Variants in TOMM40 observed in about 807,000 individuals in gnomAD.
The protein encoded by TOMM40 is translocase of outer mitochondrial membrane 40, also known as mitochondrial import receptor subunit TOM40 homolog.
In TOMM40, 9 loss-of-function variants were observed where a neutral mutation model predicts 38.4. The ratio of observed to expected loss-of-function variants is 0.23; its 90% confidence interval spans 0.14 to 0.41. TOMM40 has a LOEUF of 0.41. Among genes scored for constraint, TOMM40 ranks in the 10% least tolerant of loss-of-function variants. The probability of loss-of-function intolerance (pLI) is 1.00; values close to 1 mark genes in which losing one functional copy is unlikely to be tolerated. For missense variants in TOMM40, 299 were observed against 486.5 expected, an observed-to-expected ratio of 0.61 and a Z score of 3.63; for synonymous variants, 184 against 210.0, an observed-to-expected ratio of 0.88 and a Z score of 1.07.
At chr19:44,893,281 A>G (rs1328299471) in intron 3 of TOMM40, among the ~76,000 whole-genome samples, 3 of 152,062 alleles carry the variant, frequency 2.0e-5, no homozygotes, top group African/African-American at 7.2e-5. Flanking sequence ...GTGGAGAGTC[A>G]TGGCATGGTT....
chr19:44,892,546 C>T, intron 2 of TOMM40, 86 bp downstream of exon 2: 2 of 1,272,132 alleles, frequency 1.6e-6, no homozygotes, highest in Non-Finnish European at 1.1e-6. Flanking sequence ...AATTACTCCT[C>T]CCTCAAGAGC....
intron 8 of TOMM40, chr19:44,901,569 T>C: frequency 2.3e-6 from 2 of 861,496 alleles, no homozygotes; most frequent in South Asian, 4.3e-5. Flanking sequence ...ACTCCGTCTC[T>C]ACTAAAAATA....
Position 44,892,477 on chromosome 19 carries a change from T to C in TOMM40, c.342+17T>C, listed in dbSNP as rs762919945. The C allele has an allele frequency of 6.2e-7, 1 of 1,610,462 alleles. No homozygotes were observed. The highest frequency in any genetic ancestry group is 1.1e-5 in the South Asian group (1 of 90,950). On this transcript the variant is annotated intron_variant, in intron 2 of 8. Coordinates refer to ENST00000426677, the MANE Select transcript of TOMM40 (RefSeq NM_001128917.2). ...CATTTTCAGGTGAGCCTTCCTGGTG[T>C]CCTTACCCACCAGAGATCGTCCCCG...
rs766590649 is a variant in TOMM40, at chr19:44,892,973, A to C, written c.435+44A>C. 7.2e-6 allele frequency: 11 copies of C among 1,532,394 alleles called. 1 individual carries two copies. In the South Asian group the frequency reaches 1.3e-4, roughly 18 times the overall value. 94.9% of individuals were successfully genotyped at this position (1,532,394 alleles called of 1,614,324 possible). A position where few individuals can be genotyped will look rare whatever the true frequency, so the allele number is the denominator to read the frequency against. On this transcript the variant is annotated intron_variant, in intron 3 of 8. Transcript: ENST00000426677. ...CCATTCATTGTATCCTTCTAATAAC[A>C]AATTTGTAGCCAAATGTCAAGCTAA...
chr19:44,897,790 AAGAG>A (rs538198716), intron 5 of TOMM40, among the ~76,000 whole-genome samples: 4 of 146,394 alleles, frequency 2.7e-5, no homozygotes, highest in East Asian at 2.0e-4. Context: ...AAAAAAAAAA[AAGAG>A]AGAGAGAGGG....
In TOMM40 at chr19:44,893,772, C is replaced by T; in HGVS notation, c.436-8C>T. ...CCTCTGACCCCTTCCGTTCTCTCTGCCTCACAGGCGTTCCCTGTACTGGTG... is the reference window on the plus strand; with the variant it reads ...CCTCTGACCCCTTCCGTTCTCTCTGTCTCACAGGCGTTCCCTGTACTGGTG... On this transcript the variant is annotated splice_region_variant and splice_polypyrimidine_tract_variant and intron_variant, in intron 3 of 8. Transcript: ENST00000426677. 1 of 1,611,186 alleles carries T rather than the reference C, an allele frequency of 6.2e-7. No homozygotes were observed. Among genetic ancestry groups the T allele is most frequent in the Non-Finnish European group, 8.5e-7 (1 of 1,179,208 alleles).
chr19:44,896,977 T>C (rs1361230507), intron 5 of TOMM40, among the ~76,000 whole-genome samples: 2 of 152,192 alleles, frequency 1.3e-5, no homozygotes, highest in Admixed American at 1.3e-4. Flanking sequence ...CACATGCCTA[T>C]AGTCCCAGCT....
chr19:44,903,155 C>G lies in TOMM40; in HGVS notation c.1072C>G (p.Leu358Val). The change falls in exon 9 of 9, where the codon CTC (leucine) becomes GTC (valine). Residue 358 changes from leucine (L) to valine (V), a missense_variant. Transcript: ENST00000426677. ...GAACAAGTTTCAGTGTGGCTTTGGCCTCACCATCGGCTGAGCCCTCCTGGC... is the reference window on the plus strand; with the variant it reads ...GAACAAGTTTCAGTGTGGCTTTGGCGTCACCATCGGCTGAGCCCTCCTGGC... ...RKNKFQCGFG[L>V]TIG 1.2e-6 allele frequency: 2 copies of G among 1,611,412 alleles called. No homozygotes were observed. Among genetic ancestry groups the G allele is most frequent in the Non-Finnish European group, 1.7e-6 (2 of 1,179,582 alleles).
chr19:44,903,528 G>A lies in TOMM40; in HGVS notation c.*359G>A, dbSNP rs932683969. On this transcript the variant is annotated 3_prime_UTR_variant, in exon 9 of 9. Coordinates refer to ENST00000426677, the MANE Select transcript of TOMM40 (RefSeq NM_001128917.2). ...CCAAAGGGCCTGGGCCCGCCCCGAGGGGGCAGCGAGAGGAGCTTCCCCATC... is the reference window on the plus strand; with the variant it reads ...CCAAAGGGCCTGGGCCCGCCCCGAGAGGGCAGCGAGAGGAGCTTCCCCATC... The A allele has an allele frequency of 1.4e-5, 3 of 211,606 alleles. No individual in the cohort carries two copies. Among genetic ancestry groups the A allele is most frequent in the African/African-American group, 7.0e-5 (3 of 42,656 alleles). 13.1% of individuals were successfully genotyped at this position (211,606 alleles called of 1,614,324 possible). A position where few individuals can be genotyped will look rare whatever the true frequency, so the allele number is the denominator to read the frequency against.
rs770299785 is a variant in TOMM40, at chr19:44,903,185, G to A, written c.*16G>A. ...CATCGGCTGAGCCCTCCTGGCCCCC[G>A]CCTTCCACGCCCTTCCGATTCCACC... On this transcript the variant is annotated 3_prime_UTR_variant, in exon 9 of 9. Coordinates refer to ENST00000426677, the MANE Select transcript of TOMM40 (RefSeq NM_001128917.2). The A allele has an allele frequency of 2.0e-5, 32 of 1,594,404 alleles. No individual in the cohort carries two copies. The African/African-American group carries it at 2.7e-4, about 13-fold the overall frequency.
intron 5 of TOMM40, 44 bp downstream of exon 5, chr19:44,894,110 C>T: frequency 7.0e-7 from 1 of 1,420,398 alleles, no homozygotes; most frequent in Non-Finnish European, 9.4e-7. Context: ...AACTGCAGTT[C>T]TGGCTTTGCC....
chr19:44,898,525 C>CTT (rs71173106), intron 5 of TOMM40, among the ~76,000 whole-genome samples: 9 of 89,008 alleles, frequency 1.0e-4, no homozygotes, highest in Admixed American at 2.8e-4. Context: ...TTTTTTTTTT[C>CTT]TTTTTTTTTT....
chr19:44,892,451 C>A lies in TOMM40; in HGVS notation c.333C>A (p.Asn111Lys), dbSNP rs778982833. Residue 111 changes from asparagine to lysine, a missense_variant, in exon 2 of 9, where the codon AAC becomes AAA. Coordinates refer to ENST00000426677, the MANE Select transcript of TOMM40 (RefSeq NM_001128917.2). Reference sequence around the variant, plus strand: ...TCACAGTCAACAAAGGGTTGAGTAACCATTTTCAGGTGAGCCTTCCTGGTG... The same window carrying A: ...TCACAGTCAACAAAGGGTTGAGTAAACATTTTCAGGTGAGCCTTCCTGGTG... ...VKLTVNKGLSNHFQVNHTVAL... is the reference protein window; with the variant it reads ...VKLTVNKGLSKHFQVNHTVAL... The A allele has an allele frequency of 1.2e-6, 2 of 1,612,650 alleles. No homozygotes were observed. The highest frequency in any genetic ancestry group is 3.3e-5 in the Admixed American group (2 of 60,014).
intron 5 of TOMM40, among the ~76,000 whole-genome samples, chr19:44,900,329 A>G (rs553340374): frequency 2.6e-5 from 4 of 152,204 alleles, no homozygotes; most frequent in East Asian, 3.9e-4. Flanking sequence ...ACTCTACCCA[A>G]TGGCCTCTCA....
At chr19:44,896,445 C>T (rs1316665126) in intron 5 of TOMM40, among the ~76,000 whole-genome samples, 1 of 152,204 alleles carries the variant, frequency 6.6e-6, no homozygotes, top group Non-Finnish European at 1.5e-5. Context: ...GGCCCGACTT[C>T]TCGGCCTCAG....
Position 44,891,539 on chromosome 19 carries a change from G to A in TOMM40, c.124G>A (p.Gly42Ser), listed in dbSNP as rs1969463537. Residue 42 changes from glycine (G) to serine (S), a missense_variant, in exon 1 of 9, where the codon GGC becomes AGC. By Grantham distance (56) the Gly-to-Ser change is moderately conservative. Transcript: ENST00000426677. ...GGGCTTCACGCTGCCGCCGCTGGGA[G>A]GCAGCCTGGGCGCCGGCACCAGTAC... ...PPGFTLPPLG[G>S]SLGAGTSTSR... 4.2e-6 allele frequency: 6 copies of A among 1,414,250 alleles called. No homozygotes were observed. The highest frequency in any genetic ancestry group is 5.6e-6 in the Non-Finnish European group (6 of 1,081,010). The allele number at this position is 1,414,250 out of a possible 1,614,324, so 87.6% of individuals were successfully genotyped here.
At chr19:44,892,652 C>G (rs34404554) in intron 2 of TOMM40, among the ~76,000 whole-genome samples, 185 bp from the exon 3 acceptor site, 18,692 of 152,176 alleles carry the variant, frequency 0.12, 1,193 homozygotes, top group Non-Finnish European at 0.14. Flanking sequence ...CTCCCCATAG[C>G]AGCTAGGCTG....
intron 5 of TOMM40, 93 bp downstream of exon 5, chr19:44,894,159 C>CTTCTCCAG: frequency 3.1e-6 from 3 of 952,764 alleles, no homozygotes; most frequent in Non-Finnish European, 4.6e-6. Flanking sequence ...TTTTCTGCCA[C>CTTCTCCAG]TGGAGAAGTG....
chr19:44,893,241 G>C (rs1969502186), intron 3 of TOMM40, among the ~76,000 whole-genome samples: 2 of 152,214 alleles, frequency 1.3e-5, no homozygotes, highest in South Asian at 4.1e-4. Context: ...TTGAATGCCA[G>C]ACTAGGCTTT....
Sources: gnomAD v4.1 joint callset for allele counts (sites outside exome capture counted in the v4.1 genomes callset) on GRCh38, gnomAD v4.1.1 for gene constraint, MANE v1.5 for transcripts, NCBI Gene and HGNC (gene_info 2026-07-23, HGNC 2026-07-21) for gene names.